Variants in TAS1R1 observed in about 807,000 individuals in gnomAD.
TAS1R1 encodes the protein taste receptor type 1 member 1.
In TAS1R1, 31 loss-of-function variants were observed where a neutral mutation model predicts 45.8. The ratio of observed to expected loss-of-function variants is 0.68; its 90% CI spans 0.51 to 0.91. The LOEUF is 0.91. TAS1R1 is among the 40% of genes least tolerant of loss of function. The probability of loss-of-function intolerance (pLI) is 0.00; values close to 1 mark genes in which losing one functional copy is unlikely to be tolerated. For missense variants in TAS1R1, 1,051 were observed against 1,063.9 expected (o/e 0.99, Z 0.17); for synonymous variants, 437 against 448.4 (o/e 0.97, Z 0.32).
At chr1:6,557,987 T>C (rs1430152146) in intron 1 of TAS1R1, among the ~76,000 whole-genome samples, 2 of 152,022 alleles carry the variant, frequency 1.3e-5, no homozygotes, top group African/African-American at 4.8e-5. Context: ...TTCATAAGTG[T>C]CCTGGTGAGA....
chr1:6,570,528 A>G (rs901375782), intron 1 of TAS1R1, among the ~76,000 whole-genome samples: 4 of 151,816 alleles, frequency 2.6e-5, no homozygotes, highest in African/African-American at 9.7e-5. Flanking sequence ...AGGACTGAAG[A>G]GCATAGTAAC....
At chr1:6,560,876 C>T (rs540653145) in intron 1 of TAS1R1, among the ~76,000 whole-genome samples, 18 of 150,930 alleles carry the variant, frequency 1.2e-4, no homozygotes, top group South Asian at 6.3e-4. Context: ...CCCAGCTACT[C>T]GGGAGGCTGA....
rs1292580592 is a variant in TAS1R1, at chr1:6,579,025, T to C, written c.1967T>C (p.Leu656Pro). 13 of 1,613,458 alleles carry C rather than the reference T, an allele frequency of 8.1e-6. No individual in the cohort carries two copies. The highest frequency in any genetic ancestry group is 1.1e-5 in the Non-Finnish European group (13 of 1,179,556). ...TGCCTGACAGTTCGCTCATTCCAAC[T>C]AATCATCATCTTCAAGTTTTCCACC... is the stretch of plus-strand genomic sequence containing the variant. ...LSCLTVRSFQ[L>P]IIIFKFSTKV... The change falls in exon 6 of 6, where the codon CTA becomes CCA. Residue 656 changes from leucine to proline, a missense_variant. By Grantham distance (98) the Leu-to-Pro change is moderately conservative. Transcript: ENST00000333172.
intron 1 of TAS1R1, among the ~76,000 whole-genome samples, chr1:6,565,995 G>A (rs1639866407): frequency 1.3e-5 from 2 of 152,208 alleles, no homozygotes; most frequent in Admixed American, 6.5e-5. Flanking sequence ...CTGTTGGGGT[G>A]GAGAGTTGTG....
chr1:6,555,866 CTT>C lies in TAS1R1; in HGVS notation c.191+324_191+325del, dbSNP rs770363613. Among the ~76,000 whole-genome samples the C allele has an allele frequency of 6.5e-3, 622 of 95,266 alleles. 2 individuals carry two copies. Among genetic ancestry groups the C allele is most frequent in the African/African-American group, 0.021 (574 of 27,906 alleles). The allele number at this position is 95,266 out of a possible 152,430, so 62.5% of individuals were successfully genotyped here. On this transcript the variant is annotated intron_variant, in intron 1 of 5. Transcript: ENST00000333172. ...AAGCAAGGGCAGCTTTTTCCCTCTT[CTT>C]TTTTTTTTTTTTTTTTTTTTTGAGA...
At chr1:6,562,155 C>T (rs1488423081) in intron 1 of TAS1R1, among the ~76,000 whole-genome samples, 1 of 152,158 alleles carries the variant, frequency 6.6e-6, no homozygotes, top group Non-Finnish European at 1.5e-5. Context: ...AGACACACTC[C>T]AAAGGCCAGG....
At position 6,566,128 on chromosome 1, in the gene TAS1R1, C is replaced by T. The variant is rs1019384966; in HGVS notation, c.192-4781C>T. Reference sequence around the variant, plus strand: ...GAGGTCATCCACATATTGAAGAAGACGGCTGGGGGAAAGGTCTAAGGAGGT... The same window carrying T: ...GAGGTCATCCACATATTGAAGAAGATGGCTGGGGGAAAGGTCTAAGGAGGT... On this transcript the variant is annotated intron_variant, in intron 1 of 5. Coordinates refer to ENST00000333172, the MANE Select transcript of TAS1R1 (RefSeq NM_138697.4). Among the ~76,000 whole-genome samples, 38 of 152,074 alleles carry T rather than the reference C, an allele frequency of 2.5e-4. 1 individual carries two copies. The highest frequency in any genetic ancestry group is 8.5e-4 in the African/African-American group (35 of 41,406).
At position 6,575,303 on chromosome 1, in the gene TAS1R1, C is replaced by T. The variant is rs757049107; in HGVS notation, c.1171C>T (p.Arg391Trp). 9 of 1,612,824 alleles carry T rather than the reference C, an allele frequency of 5.6e-6. No individual in the cohort carries two copies. Among genetic ancestry groups the T allele is most frequent in the Admixed American group, 3.3e-5 (2 of 59,988 alleles). ...CATGAGTTCTGCCTACAACGCATACCGGGCTGTGTATGCGGTGGCCCATGG... is the reference window on the plus strand; with the variant it reads ...CATGAGTTCTGCCTACAACGCATACTGGGCTGTGTATGCGGTGGCCCATGG... The part of the protein sequence containing the change: ...FSMSSAYNAY[R>W]AVYAVAHGLH... The change falls in exon 3 of 6, where the codon CGG (arginine) becomes TGG (tryptophan). Residue 391 changes from arginine to tryptophan, a missense_variant. By Grantham distance (101) the Arg-to-Trp change is moderately radical (BLOSUM62 -3). Transcript: ENST00000333172.
At chr1:6,561,031 C>T (rs1639778986) in intron 1 of TAS1R1, among the ~76,000 whole-genome samples, 1 of 146,100 alleles carries the variant, frequency 6.8e-6, no homozygotes, top group South Asian at 2.2e-4. Context: ...TGGAGAAAGG[C>T]TGTGGGGTTG....
chr1:6,560,712 G>A (rs1313634381), intron 1 of TAS1R1, among the ~76,000 whole-genome samples: 1 of 152,200 alleles, frequency 6.6e-6, no homozygotes, highest in African/African-American at 2.4e-5. Flanking sequence ...GCCGGGCGTG[G>A]TGGCTCACGC....
At chr1:6,562,169 GT>G (rs1167481305) in intron 1 of TAS1R1, among the ~76,000 whole-genome samples, 1 of 152,034 alleles carries the variant, frequency 6.6e-6, no homozygotes, top group African/African-American at 2.4e-5. Flanking sequence ...GGCCAGGAGG[GT>G]TTTTTTGTTT....
Position 6,570,911 on chromosome 1 carries a change from C to T in TAS1R1, c.194C>T (p.Ser65Phe). ...HRPEVTLCDR[S>F]CSFNEHGYHL... ...TCTCTTACTGGCTTTCTCCACAGGT[C>T]TTGTAGCTTCAATGAGCATGGCTAC... Residue 65 changes from serine to phenylalanine, a missense_variant and splice_region_variant, in exon 2 of 6, where the codon TCT becomes TTT. Ser to Phe is a radical substitution (Grantham distance 155). Transcript: ENST00000333172. 2.5e-6 allele frequency: 4 copies of T among 1,596,102 alleles called. No individual in the cohort carries two copies. The highest frequency in any genetic ancestry group is 3.4e-6 in the Non-Finnish European group (4 of 1,171,168).
chr1:6,564,522 G>A (rs1045429969), intron 1 of TAS1R1, among the ~76,000 whole-genome samples: 1 of 152,132 alleles, frequency 6.6e-6, no homozygotes, highest in Non-Finnish European at 1.5e-5. Context: ...GGAGGTCCAG[G>A]GTTTCTGGAC....
Position 6,555,376 on chromosome 1 carries a change from GCTGCT to G in TAS1R1, c.8_12del (p.Leu3HisfsTer21). The G allele has an allele frequency of 6.3e-7, 1 of 1,589,636 alleles. No individual in the cohort carries two copies. The highest frequency in any genetic ancestry group is 8.6e-7 in the Non-Finnish European group (1 of 1,167,254). ...CCAGGCGCGGGCATCTGGCCAGCAT[GCTGCT>G]CTGCACGGCTCGCCTGGTCGGCCTG... On this transcript the variant is annotated frameshift_variant, in exon 1 of 6. Coordinates refer to ENST00000333172, the MANE Select transcript of TAS1R1 (RefSeq NM_138697.4). LOFTEE classifies it high-confidence loss of function.
At position 6,577,016 on chromosome 1, in the gene TAS1R1, C is replaced by T. The variant is rs776044174; in HGVS notation, c.1540C>T (p.His514Tyr). 1.2e-6 allele frequency: 2 copies of T among 1,614,140 alleles called. No homozygotes were observed. The highest frequency in any genetic ancestry group is 8.5e-7 in the Non-Finnish European group (1 of 1,180,056). Residue 514 changes from histidine to tyrosine, a missense_variant, in exon 5 of 6, where the codon CAC (histidine) becomes TAC (tyrosine). Physicochemically the swap from His to Tyr is moderately conservative, Grantham distance 83. Transcript: ENST00000333172. ...GHQRVVTGFH[H>Y]CCFECVPCGA... ...CCAGCGAGTGGTTACGGGTTTCCAT[C>T]ACTGCTGCTTTGAGTGTGTGCCCTG...
intron 1 of TAS1R1, among the ~76,000 whole-genome samples, chr1:6,570,386 C>G (rs370542750): frequency 1.4e-5 from 2 of 145,990 alleles, no homozygotes; most frequent in Non-Finnish European, 3.0e-5. Flanking sequence ...AAAAACAAAG[C>G]GAGGGGAACA....
Position 6,574,491 on chromosome 1 carries a change from G to A in TAS1R1, c.499-140G>A, listed in dbSNP as rs970636680. On this transcript the variant is annotated intron_variant, in intron 2 of 5. Coordinates refer to ENST00000333172, the MANE Select transcript of TAS1R1 (RefSeq NM_138697.4). This position sits in a 1 kb window ranked among gnomAD's most constrained non-coding sequence, Gnocchi z 4.3. Reference sequence around the variant, plus strand: ...CAGAACCTGCCCCAGTGGAGCCTTCGCAGGTGATTTGTCAGTTTCACAGGC... The same window carrying A: ...CAGAACCTGCCCCAGTGGAGCCTTCACAGGTGATTTGTCAGTTTCACAGGC... 5 of 1,104,454 alleles carry A rather than the reference G, an allele frequency of 4.5e-6. No individual in the cohort carries two copies. The highest frequency in any genetic ancestry group is 3.8e-6 in the Non-Finnish European group (3 of 797,660). 68.4% of individuals were successfully genotyped at this position (1,104,454 alleles called of 1,614,324 possible).
At chr1:6,562,701 C>A (rs1639810761) in intron 1 of TAS1R1, among the ~76,000 whole-genome samples, 1 of 152,254 alleles carries the variant, frequency 6.6e-6, no homozygotes, top group South Asian at 2.1e-4. Context: ...TTGGTAAACT[C>A]TGATTTCCAG....
Position 6,555,711 on chromosome 1 carries a change from G to C in TAS1R1, c.191+147G>C, listed in dbSNP as rs541586803. The C allele has an allele frequency of 9.7e-6, 7 of 721,408 alleles. No homozygotes were observed. In the East Asian group the frequency reaches 1.9e-4, roughly 20 times the overall value. 44.7% of individuals were successfully genotyped at this position (721,408 alleles called of 1,614,324 possible). ...GTTCATCAATCCACTTGCCACCTAA[G>C]TGCTGGCTAGACCTTCCTAGACACT... On this transcript the variant is annotated intron_variant, in intron 1 of 5. Coordinates refer to ENST00000333172, the MANE Select transcript of TAS1R1 (RefSeq NM_138697.4).
Sources: gnomAD v4.1 joint callset for allele counts (sites outside exome capture counted in the v4.1 genomes callset) on GRCh38, gnomAD v4.1.1 for gene constraint, Gnocchi (gnomAD v3.1) non-coding constraint, MANE v1.5 for transcripts, NCBI Gene and HGNC (gene_info 2026-07-23, HGNC 2026-07-21) for gene names.